The following CSF2RA variants were observed in gnomAD, a reference collection of about 807,000 sequenced individuals.
The protein encoded by CSF2RA is colony stimulating factor 2 receptor subunit alpha.
In CSF2RA, 42 loss-of-function variants were observed where a neutral mutation model predicts 51.6. That is an observed-to-expected ratio of 0.81 (90% confidence interval 0.64 to 1.05). The LOEUF (loss-of-function observed/expected upper bound fraction) is 1.05, where lower values mean the gene tolerates loss of function less well. Among genes scored for constraint, CSF2RA ranks in the 50% least tolerant of loss-of-function variants. The probability of loss-of-function intolerance (pLI) is 0.00; values close to 1 mark genes in which losing one functional copy is unlikely to be tolerated. For synonymous variants in CSF2RA, 222 were observed against 193.0 expected, an observed-to-expected ratio of 1.15 and a Z score of -1.24; for missense variants, 530 against 501.1, an observed-to-expected ratio of 1.06 and a Z score of -0.55.
chrX:1,305,610 A>G (rs2083481305), intron 12 of CSF2RA, 83 bp downstream of exon 12: 1 of 1,613,842 alleles, frequency 6.2e-7, no homozygotes, highest in Non-Finnish European at 8.5e-7. Context: ...GGTGTCGACC[A>G]TCTTGCTTCT....
rs780925330 is a variant in CSF2RA at position 1,288,877 on chromosome X, A to T, written c.462A>T (p.Ile154=). The part of the protein sequence containing the change: ...APRDVQYFLY[I]RNSKRRREIR... ...GTGACGTCCAGTATTTTTTGTACAT[A>T]CGAAACTCAAAGTAAGTGTTCACCT... The change falls in exon 6 of 13, where the codon ATA becomes ATT. Residue 154 remains isoleucine (I), a synonymous_variant. Transcript: ENST00000381529. The T allele has an allele frequency of 6.2e-7, 1 of 1,606,244 alleles. No homozygotes were observed. The highest frequency in any genetic ancestry group is 1.1e-5 in the South Asian group (1 of 90,630).
At chrX:1,280,049 C>G (rs1304917178) in intron 2 of CSF2RA, among the ~76,000 whole-genome samples, 2 of 152,120 alleles carry the variant, frequency 1.3e-5, no homozygotes, top group East Asian at 2.0e-4. Flanking sequence ...CTTGGCCTCC[C>G]AAAGTGCTGG....
the CSF2RA span, among the ~76,000 whole-genome samples, chrX:1,324,059 C>T: frequency 6.6e-6 from 1 of 151,920 alleles, no homozygotes; most frequent in East Asian, 1.9e-4. Flanking sequence ...GTAGCATGTT[C>T]CTGTTGCCCT....
At chrX:1,317,689 C>A in the CSF2RA span, among the ~76,000 whole-genome samples, 2,695 of 151,400 alleles carry the variant, frequency 0.018, 31 homozygotes, top group Non-Finnish European at 0.027. Context: ...CGCACAGAAG[C>A]CTTCAGAATG....
At chrX:1,315,958 GATAA>G in the CSF2RA span, among the ~76,000 whole-genome samples, 2 of 42,022 alleles carry the variant, frequency 4.8e-5, no homozygotes, top group Non-Finnish European at 1.1e-4. Flanking sequence ...ATAGATGATA[GATAA>G]ATAGATGATT....
intron 3 of CSF2RA, among the ~76,000 whole-genome samples, chrX:1,283,123 G>GTTCC (rs747822328): frequency 0.021 from 1,990 of 94,672 alleles, 18 homozygotes; most frequent in African/African-American, 0.032. Flanking sequence ...TCGTTCCTTC[G>GTTCC]TTCCTTCCTT....
At chrX:1,301,612 T>C in intron 10 of CSF2RA, among the ~76,000 whole-genome samples, 2 of 146,518 alleles carry the variant, frequency 1.4e-5, no homozygotes, top group East Asian at 2.0e-4. Flanking sequence ...TTTTTTTTTT[T>C]TTTGAGACGG....
At chrX:1,274,914 G>C in intron 2 of CSF2RA, 96 bp downstream of exon 2, 2 of 449,562 alleles carry the variant, frequency 4.4e-6, no homozygotes, top group Non-Finnish European at 8.9e-6. Flanking sequence ...CCATAATGAT[G>C]AACCAGGATA....
At chrX:1,285,722 AAAAAAAAAAGG>A in intron 3 of CSF2RA, 45 bp from the exon 4 acceptor site, 3 of 1,005,644 alleles carry the variant, frequency 3.0e-6, no homozygotes, top group Non-Finnish European at 4.2e-6. Flanking sequence ...AAAAAAAAAA[AAAAAAAAAAGG>A]AAAAGAAAAG....
intron 9 of CSF2RA, among the ~76,000 whole-genome samples, chrX:1,298,928 G>T (rs2092188329): frequency 6.6e-6 from 1 of 151,804 alleles, no homozygotes; most frequent in African/African-American, 2.4e-5. Flanking sequence ...CCGACATACA[G>T]TTGAACCACT....
chrX:1,273,957 TATC>T (rs1354614669), intron 1 of CSF2RA, among the ~76,000 whole-genome samples: 1 of 151,838 alleles, frequency 6.6e-6, no homozygotes, highest in Non-Finnish European at 1.5e-5. Flanking sequence ...TGGGGTAAAA[TATC>T]ATGATTTCCC....
At chrX:1,269,633 A>C (rs1204497631) in intron 1 of CSF2RA, among the ~76,000 whole-genome samples, 1 of 66,208 alleles carries the variant, frequency 1.5e-5, no homozygotes, top group Non-Finnish European at 3.7e-5. Context: ...AAAAAAAAGA[A>C]AAAGAAAAAA....
downstream of CSF2RA, among the ~76,000 whole-genome samples, chrX:1,312,002 G>A (rs1252001861): frequency 1.3e-5 from 2 of 151,988 alleles, no homozygotes; most frequent in Non-Finnish European, 1.5e-5. Context: ...TGTCATTCAG[G>A]CTGGAGTGCA....
At position 1,305,446 on chromosome X, in the gene CSF2RA, G is replaced by A. The variant is rs1328077492; in HGVS notation, c.1044G>A (p.Arg348=). ...TTCACACTTTTTCTCTGTGTCTCAGGTTCCTTAGGATACAGCGGCTGTTCC... is the reference window on the plus strand; with the variant it reads ...TTCACACTTTTTCTCTGTGTCTCAGATTCCTTAGGATACAGCGGCTGTTCC... ...CGIVLGFLFK[R]FLRIQRLFPP... Residue 348 remains arginine, a splice_region_variant and synonymous_variant, in exon 12 of 13, where the codon AGG becomes AGA. Coordinates refer to ENST00000381529, the MANE Select transcript of CSF2RA (RefSeq NM_172245.4). The A allele has an allele frequency of 1.9e-6, 3 of 1,613,942 alleles. No homozygotes were observed. Among genetic ancestry groups the A allele is most frequent in the Non-Finnish European group, 2.5e-6 (3 of 1,179,874 alleles).
rs1203085536 is a variant in CSF2RA at position 1,285,899 on chromosome X, G to A, written c.198G>A (p.Lys66=). Residue 66 remains lysine, a synonymous_variant, in exon 4 of 13, where the codon AAG becomes AAA. Coordinates refer to ENST00000381529, the MANE Select transcript of CSF2RA (RefSeq NM_172245.4). ...GCAAGTGTTTCTTAACTGACAAGAA[G>A]AACAGAGTCGTGGAACCCAGGGTGA... is the stretch of plus-strand genomic sequence containing the variant. ...TFSKCFLTDK[K]NRVVEPRLSN... 5 of 1,613,734 alleles carry A rather than the reference G, an allele frequency of 3.1e-6. No individual in the cohort carries two copies. In the South Asian group the frequency reaches 5.5e-5, roughly 18 times the overall value.
chrX:1,290,193 GT>G lies in CSF2RA; in HGVS notation c.474-136del, dbSNP rs374588323. ...TGTTTTGTGTTTTGTGTTTTTGTGG[GT>G]TTTTTTTGTTTTGTGTTTTTGTTTT... On this transcript the variant is annotated intron_variant, in intron 6 of 12. Coordinates refer to ENST00000381529, the MANE Select transcript of CSF2RA (RefSeq NM_172245.4). 1,293 of 601,582 alleles carry G rather than the reference GT, an allele frequency of 2.1e-3. 2 individuals carry two copies. The highest frequency in any genetic ancestry group is 3.9e-3 in the South Asian group (186 of 47,562). The allele number at this position is 601,582 out of a possible 1,614,324, so 37.3% of individuals were successfully genotyped here. A position where few individuals can be genotyped will look rare whatever the true frequency, so the allele number is the denominator to read the frequency against.
intron 3 of CSF2RA, among the ~76,000 whole-genome samples, chrX:1,283,473 C>CCTCT (rs369929534): frequency 7.0e-6 from 1 of 143,194 alleles, no homozygotes; most frequent in Non-Finnish European, 1.5e-5. Context: ...TCCCTCCCTC[C>CCTCT]CTCTCTCTCT....
intron 4 of CSF2RA, 148 bp downstream of exon 4, chrX:1,286,068 T>A: frequency 1.2e-6 from 1 of 833,590 alleles, no homozygotes; most frequent in Non-Finnish European, 2.0e-6. Flanking sequence ...AGGTCGGGAG[T>A]TCAAGACCAG....
intron 1 of CSF2RA, among the ~76,000 whole-genome samples, chrX:1,273,978 C>G (rs1300390793): frequency 6.6e-6 from 1 of 151,988 alleles, no homozygotes; most frequent in African/African-American, 2.4e-5. Context: ...CCCTCACTCT[C>G]CATCATTCTT....
Sources: allele counts gnomAD v4.1 joint callset (sites outside exome capture counted in the v4.1 genomes callset), GRCh38; gene constraint gnomAD v4.1.1; transcripts MANE v1.5; gene names NCBI Gene and HGNC (gene_info 2026-07-23, HGNC 2026-07-21).